ZNF469: variants seen among roughly 807,000 people sequenced by gnomAD.
ZNF469 encodes the protein zinc finger protein 469.
A neutral mutation model predicts 1.0 loss-of-function variants in ZNF469; 1 was observed. The ratio of observed to expected loss-of-function variants is 1.00; its 90% CI spans 0.35 to 4.73. ZNF469 has a LOEUF of 4.73. Among genes scored for constraint, ZNF469 ranks in the 30% most tolerant of loss-of-function variants. ZNF469 has a pLI of 0.16. For missense variants in ZNF469, 6,100 were observed against 5,356.3 expected, an observed-to-expected ratio of 1.14 and a Z score of -4.33; for synonymous variants, 2,703 against 2,363.4, an observed-to-expected ratio of 1.14 and a Z score of -4.17.
At chr16:88,418,633 G>A (rs528710527) in intron 1 of ZNF469, among the ~76,000 whole-genome samples, 4 of 150,008 alleles carry the variant, frequency 2.7e-5, no homozygotes, top group South Asian at 2.1e-4. Context: ...AAAGGATCTC[G>A]AATAGGCACC....
the ZNF469 span, among the ~76,000 whole-genome samples, chr16:88,181,322 G>A: frequency 9.2e-5 from 14 of 152,058 alleles, no homozygotes; most frequent in South Asian, 1.5e-3. Flanking sequence ...CACCCGCCTC[G>A]GCCTCCCAAA....
Position 88,436,260 on chromosome 16 carries a change from TCCCGCAGGTCTG to T in ZNF469, c.8795_8806del (p.Ala2932_Pro2935del). 6.5e-7 allele frequency: 1 copy of T among 1,549,838 alleles called. No homozygotes were observed. The highest frequency in any genetic ancestry group is 8.7e-7 in the Non-Finnish European group (1 of 1,146,868). On this transcript the variant is annotated inframe_deletion, in exon 3 of 3. Transcript: ENST00000565624. The stretch of plus-strand genomic sequence containing the variant: ...ATGAGGACCCGTGGGAGGACGAGGA[TCCCGCAGGTCTG>T]CCCGAGTCCTTCCTCCTGGATGGGT...
At chr16:88,271,665 G>A in the ZNF469 span, among the ~76,000 whole-genome samples, 3 of 147,242 alleles carry the variant, frequency 2.0e-5, no homozygotes, top group Non-Finnish European at 4.5e-5. Context: ...GGGTCAGAGC[G>A]AAGGTGAGGC....
At chr16:88,343,398 G>T in the ZNF469 span, among the ~76,000 whole-genome samples, 8 of 152,278 alleles carry the variant, frequency 5.3e-5, no homozygotes, top group African/African-American at 1.9e-4. Context: ...GTACATAGAC[G>T]CTTGCCCAGG....
chr16:88,316,342 C>T, the ZNF469 span, among the ~76,000 whole-genome samples: 158 of 152,260 alleles, frequency 1.0e-3, no homozygotes, highest in African/African-American at 3.7e-3. Context: ...GCACCACGCT[C>T]GTGGGGCCAG....
chr16:88,349,772 CCA>C, the ZNF469 span, among the ~76,000 whole-genome samples: 1 of 43,588 alleles, frequency 2.3e-5, no homozygotes, highest in Non-Finnish European at 4.9e-5. Flanking sequence ...ACAATACACA[CCA>C]ACACAAGTGC....
chr16:88,285,036 C>G, the ZNF469 span, among the ~76,000 whole-genome samples: 1 of 152,260 alleles, frequency 6.6e-6, no homozygotes, highest in Non-Finnish European at 1.5e-5. Context: ...AGGGCCGGGT[C>G]TCAGGTTCCC....
intron 1 of ZNF469, among the ~76,000 whole-genome samples, chr16:88,421,293 A>G (rs1044182763): frequency 6.6e-6 from 1 of 152,118 alleles, no homozygotes; most frequent in Non-Finnish European, 1.5e-5. Context: ...GCCAGTTCCT[A>G]TTTCTGAGAG....
At chr16:88,297,703 T>C in the ZNF469 span, among the ~76,000 whole-genome samples, 99,449 of 152,036 alleles carry the variant, frequency 0.65, 32,823 homozygotes, top group East Asian at 0.93. Flanking sequence ...GAGCCCCCTC[T>C]GCCTCCCTCT....
chr16:88,336,954 C>T, the ZNF469 span, among the ~76,000 whole-genome samples: 10 of 152,342 alleles, frequency 6.6e-5, no homozygotes, highest in East Asian at 1.7e-3. Context: ...GTGTTTGCCC[C>T]TTTGTGTCTG....
rs772083795 is a variant in ZNF469, at chr16:88,432,283, C to T, written c.4813C>T (p.Pro1605Ser). The T allele has an allele frequency of 6.5e-7, 1 of 1,547,126 alleles. No individual in the cohort carries two copies. Among genetic ancestry groups the T allele is most frequent in the East Asian group, 2.4e-5 (1 of 40,926 alleles). ...GRVELGTGTE[P>S]PSQRRTCQAT... The stretch of plus-strand genomic sequence containing the variant: ...GGTGGAGCTCGGCACAGGCACAGAG[C>T]CACCCTCCCAACGGCGCACCTGCCA... The change falls in exon 3 of 3, where the codon CCA becomes TCA. Residue 1605 changes from proline (P) to serine (S), a missense_variant. Pro to Ser is a moderately conservative substitution (Grantham distance 74, BLOSUM62 -1). Coordinates refer to ENST00000565624, the MANE Select transcript of ZNF469 (RefSeq NM_001367624.2).
chr16:88,305,254 G>A, the ZNF469 span, among the ~76,000 whole-genome samples: 6 of 140,458 alleles, frequency 4.3e-5, no homozygotes, highest in Non-Finnish European at 9.3e-5. Flanking sequence ...AGGCACACAC[G>A]CATGCACACC....
the ZNF469 span, among the ~76,000 whole-genome samples, chr16:88,142,830 C>T: frequency 6.6e-6 from 1 of 152,208 alleles, no homozygotes; most frequent in Non-Finnish European, 1.5e-5. Context: ...AATCCCCAGC[C>T]CCACCTGGAT....
rs764305025 is a variant in ZNF469, at chr16:88,438,062, T to C, written c.10592T>C (p.Val3531Ala). 2 of 1,550,250 alleles carry C rather than the reference T, an allele frequency of 1.3e-6. No homozygotes were observed. Among genetic ancestry groups the C allele is most frequent in the Admixed American group, 2.0e-5 (1 of 50,984 alleles). Residue 3531 changes from valine to alanine, a missense_variant, in exon 3 of 3, where the codon GTA (valine) becomes GCA (alanine). Physicochemically the swap from Val to Ala is moderately conservative, Grantham distance 64 (BLOSUM62 0). Coordinates refer to ENST00000565624, the MANE Select transcript of ZNF469 (RefSeq NM_001367624.2). ...KGWPETLERP[V>A]DPVTHPIRGC... is the part of the protein sequence containing the mutation. ...TGGCCCGAGACCCTAGAGAGGCCTG[T>C]AGACCCCGTGACCCACCCGATCAGA...
At chr16:88,366,593 TCATTGTCACCACAACCAC>T in the ZNF469 span, among the ~76,000 whole-genome samples, 5 of 46,210 alleles carry the variant, frequency 1.1e-4, no homozygotes, top group East Asian at 1.9e-3. Context: ...ACCACCATCA[TCATTGTCACCACAACCAC>T]CATCATCACC....
intron 1 of ZNF469, among the ~76,000 whole-genome samples, chr16:88,387,981 C>T (rs989453667): frequency 6.6e-6 from 1 of 152,274 alleles, no homozygotes; most frequent in Non-Finnish European, 1.5e-5. Context: ...GCCCTCCCAG[C>T]CACACCGCCA....
the ZNF469 span, chr16:88,177,317 A>C: frequency 1.3e-5 from 2 of 152,202 alleles, no homozygotes; most frequent in African/African-American, 4.8e-5. This position sits in a 1 kb window ranked among gnomAD's most constrained non-coding sequence, Gnocchi z 4.8. Context: ...AATGCTATTT[A>C]TTGAAGGCTG....
the ZNF469 span, among the ~76,000 whole-genome samples, chr16:88,208,019 A>C: frequency 6.6e-6 from 1 of 152,198 alleles, no homozygotes; most frequent in East Asian, 1.9e-4. Flanking sequence ...GTACTTTGTT[A>C]AATTTCATGA....
At chr16:88,280,049 C>T in the ZNF469 span, among the ~76,000 whole-genome samples, 1 of 151,048 alleles carries the variant, frequency 6.6e-6, no homozygotes, top group Non-Finnish European at 1.5e-5. Context: ...GATATCAGTG[C>T]ACGGTTAGTG....
Sources: allele counts gnomAD v4.1 joint callset (sites outside exome capture counted in the v4.1 genomes callset), GRCh38; gene constraint gnomAD v4.1.1; non-coding constraint Gnocchi (gnomAD v3.1); transcripts MANE v1.5; gene names NCBI Gene and HGNC (gene_info 2026-07-23, HGNC 2026-07-21).